Variants in GALNTL6 observed in about 807,000 individuals in gnomAD.
GALNTL6 encodes polypeptide N-acetylgalactosaminyltransferase-like 6.
In GALNTL6, 46 loss-of-function variants were observed where a neutral mutation model predicts 73.7. The ratio of observed to expected loss-of-function variants is 0.62; its 90% confidence interval spans 0.49 to 0.80. The LOEUF is 0.80. GALNTL6 is among the 30% of genes least tolerant of loss of function. The probability of loss-of-function intolerance (pLI) is 0.00; values close to 1 mark genes in which losing one functional copy is unlikely to be tolerated. For missense variants in GALNTL6, 604 were observed against 755.0 expected (o/e 0.80, Z 2.34); for synonymous variants, 259 against 263.7 (o/e 0.98, Z 0.17).
intron 5 of GALNTL6, among the ~76,000 whole-genome samples, chr4:172,769,531 G>A (rs2110857987): frequency 6.6e-6 from 1 of 152,324 alleles, no homozygotes; most frequent in African/African-American, 2.4e-5. Context: ...AATGAGCTTA[G>A]TTTGTGACAT....
In GALNTL6 at chr4:172,001,121, G is replaced by A. The variant is rs1438124911; in HGVS notation, c.138+186403G>A. On this transcript the variant is annotated intron_variant, in intron 2 of 12. Transcript: ENST00000506823. ...CATTGTAATCGTTGTAATTAGTGATGTATAAAGAATCTTCGCAACAAAAGA... is the reference window on the plus strand; with the variant it reads ...CATTGTAATCGTTGTAATTAGTGATATATAAAGAATCTTCGCAACAAAAGA... Among the ~76,000 whole-genome samples the A allele has an allele frequency of 2.0e-5, 3 of 152,158 alleles. No homozygotes were observed. In the East Asian group the frequency reaches 5.8e-4, roughly 29 times the overall value.
intron 5 of GALNTL6, among the ~76,000 whole-genome samples, chr4:172,671,318 G>A (rs895058575): frequency 4.6e-5 from 7 of 151,978 alleles, no homozygotes; most frequent in South Asian, 2.1e-4. Context: ...TGTTATCTCC[G>A]ATTTCTTTGA....
chr4:172,034,343 C>A (rs1470039351), intron 2 of GALNTL6, among the ~76,000 whole-genome samples: 2 of 150,726 alleles, frequency 1.3e-5, no homozygotes, highest in Non-Finnish European at 2.9e-5. Flanking sequence ...GGGCAGGCAA[C>A]CCATAATTTA....
chr4:172,472,966 A>G (rs1415440328), intron 5 of GALNTL6, among the ~76,000 whole-genome samples: 1 of 152,190 alleles, frequency 6.6e-6, no homozygotes, highest in Non-Finnish European at 1.5e-5. Flanking sequence ...GCCATGATTT[A>G]GTAAGTGGCA....
At chr4:172,925,628 T>A (rs1380703277) in intron 8 of GALNTL6, among the ~76,000 whole-genome samples, 1 of 152,196 alleles carries the variant, frequency 6.6e-6, no homozygotes, top group East Asian at 1.9e-4. Context: ...TGGTCCCCAG[T>A]CAGCAGCCAT....
intron 8 of GALNTL6, among the ~76,000 whole-genome samples, chr4:172,920,923 T>C (rs1384489267): frequency 6.6e-6 from 1 of 152,228 alleles, no homozygotes; most frequent in Non-Finnish European, 1.5e-5. Context: ...AAGTGAGATA[T>C]CTACTGAGTT....
intron 2 of GALNTL6, among the ~76,000 whole-genome samples, chr4:172,032,696 G>A (rs922807192): frequency 1.3e-5 from 2 of 151,854 alleles, no homozygotes; most frequent in Admixed American, 1.3e-4. Context: ...TAGCTATTAC[G>A]GCTTTATCCT....
At chr4:173,022,223 GGAA>G (rs745603587) in intron 12 of GALNTL6, among the ~76,000 whole-genome samples, 1 of 137,380 alleles carries the variant, frequency 7.3e-6, no homozygotes, top group African/African-American at 3.2e-5. Context: ...AAGGAAGGAA[GGAA>G]GTTTTGAAAG....
At chr4:172,311,553 GTTCTA>G in intron 3 of GALNTL6, 56 bp from the exon 4 acceptor site, 1 of 1,459,078 alleles carries the variant, frequency 6.9e-7, no homozygotes, top group East Asian at 2.3e-5. Flanking sequence ...CTTCCTATCT[GTTCTA>G]GAAGATAAAA....
intron 5 of GALNTL6, among the ~76,000 whole-genome samples, chr4:172,564,128 C>A (rs569851213): frequency 1.3e-5 from 2 of 152,292 alleles, no homozygotes; most frequent in East Asian, 3.9e-4. Context: ...GAACTCATTA[C>A]ACTTTTATTC....
chr4:172,639,465 C>G (rs1426866232), intron 5 of GALNTL6, among the ~76,000 whole-genome samples: 2 of 152,130 alleles, frequency 1.3e-5, no homozygotes, highest in Non-Finnish European at 2.9e-5. Context: ...TTCACCTACT[C>G]TTTGCCTAGA....
chr4:172,220,127 T>A (rs1414001424), intron 2 of GALNTL6, among the ~76,000 whole-genome samples: 2 of 151,758 alleles, frequency 1.3e-5, no homozygotes, highest in Non-Finnish European at 3.0e-5. Context: ...CATAAGAAGA[T>A]CTCATTGAAG....
intron 10 of GALNTL6, among the ~76,000 whole-genome samples, chr4:172,992,707 T>G (rs1195487390): frequency 6.6e-6 from 1 of 152,118 alleles, no homozygotes; most frequent in Non-Finnish European, 1.5e-5. Context: ...ACCTCAAACG[T>G]CAGTCTTAGG....
chr4:172,144,792 C>T (rs1333220757), intron 2 of GALNTL6, among the ~76,000 whole-genome samples: 3 of 152,126 alleles, frequency 2.0e-5, no homozygotes, highest in Non-Finnish European at 2.9e-5. Flanking sequence ...GCAGAGCTAA[C>T]CCCTTGTTTT....
chr4:172,734,657 T>C (rs1251254102), intron 5 of GALNTL6, among the ~76,000 whole-genome samples: 1 of 152,164 alleles, frequency 6.6e-6, no homozygotes, highest in Non-Finnish European at 1.5e-5. Context: ...TCCTGGTTGC[T>C]TTCATGGGCT....
intron 2 of GALNTL6, among the ~76,000 whole-genome samples, chr4:171,883,489 C>T (rs992387535): frequency 5.3e-5 from 8 of 152,118 alleles, no homozygotes; most frequent in African/African-American, 1.9e-4. Context: ...GATTTGCCTG[C>T]TGATAAGAGA....
At position 172,511,266 on chromosome 4, in the gene GALNTL6, G is replaced by GT. The variant is rs1487631167; in HGVS notation, c.553+162580dup. 1.1e-4 allele frequency among the ~76,000 whole-genome samples: 6 copies of GT among 54,500 alleles called. 3 individuals are homozygous for GT. The highest frequency in any genetic ancestry group is 2.6e-4 in the Non-Finnish European group (6 of 23,518). The allele number at this position is 54,500 out of a possible 152,430, so 35.8% of individuals were successfully genotyped here. ...ATAGTAGCCTTCAATGATCTTTTGT[G>GT]TTTCTGTGGTATCAGCTGTAATATC... On this transcript the variant is annotated intron_variant, in intron 5 of 12. Transcript: ENST00000506823.
At chr4:172,862,269 T>C (rs1200579646) in intron 7 of GALNTL6, among the ~76,000 whole-genome samples, 1 of 152,228 alleles carries the variant, frequency 6.6e-6, no homozygotes, top group East Asian at 1.9e-4. Context: ...AAGGTCACTC[T>C]TGCTGTGCAA....
chr4:172,106,098 G>A (rs1732667507), intron 2 of GALNTL6, among the ~76,000 whole-genome samples: 1 of 152,142 alleles, frequency 6.6e-6, no homozygotes, highest in Admixed American at 6.6e-5. Context: ...ACCTCTACAT[G>A]TTCCAGATAA....
Sources: allele counts gnomAD v4.1 joint callset (sites outside exome capture counted in the v4.1 genomes callset), GRCh38; gene constraint gnomAD v4.1.1; transcripts MANE v1.5; gene names NCBI Gene and HGNC (gene_info 2026-07-23, HGNC 2026-07-21).